PRRC2C: variants seen among roughly 807,000 people sequenced by gnomAD.
PRRC2C encodes the protein proline rich coiled-coil 2C.
Under a neutral mutation model 317.2 loss-of-function variants are expected in PRRC2C, and 72 were observed. That is an observed-to-expected ratio of 0.23 (90% confidence interval 0.19 to 0.28). PRRC2C has a LOEUF of 0.28. PRRC2C is among the 10% of genes least tolerant of loss of function. The pLI is 1.00. For missense variants in PRRC2C, 3,074 were observed against 3,459.7 expected (o/e 0.89, Z 2.80); for synonymous variants, 1,296 against 1,205.9 (o/e 1.07, Z -1.55).
At chr1:171,493,623 C>T (rs1472304974) in intron 1 of PRRC2C, among the ~76,000 whole-genome samples, 2 of 152,170 alleles carry the variant, frequency 1.3e-5, no homozygotes, top group Admixed American at 6.5e-5. Context: ...AATTTGACAC[C>T]AGCCTGGCCA....
intron 12 of PRRC2C, among the ~76,000 whole-genome samples, chr1:171,535,105 G>A (rs1676574839): frequency 6.6e-6 from 1 of 151,508 alleles, no homozygotes; most frequent in Non-Finnish European, 1.5e-5. Context: ...CAATTACATT[G>A]ATGTTTATTG....
chr1:171,554,954 C>T (rs961885392), intron 18 of PRRC2C, among the ~76,000 whole-genome samples: 2 of 152,160 alleles, frequency 1.3e-5, no homozygotes, highest in African/African-American at 2.4e-5. Flanking sequence ...GGTTACTCTT[C>T]TCGAGGAGTA....
At chr1:171,561,239 G>C in intron 20 of PRRC2C, 136 bp downstream of exon 20, 1 of 832,560 alleles carries the variant, frequency 1.2e-6, no homozygotes. Context: ...AGACCAGCCT[G>C]GGCAACATAG....
At chr1:171,582,042 T>A (rs180751724) in intron 28 of PRRC2C, among the ~76,000 whole-genome samples, 404 of 152,300 alleles carry the variant, frequency 2.7e-3, no homozygotes, top group Non-Finnish European at 4.4e-3. Flanking sequence ...TTTGCTTGCT[T>A]AATCTTCATG....
At chr1:171,550,793 G>T (rs548455115) in intron 18 of PRRC2C, among the ~76,000 whole-genome samples, 2 of 152,178 alleles carry the variant, frequency 1.3e-5, no homozygotes, top group East Asian at 3.9e-4. Flanking sequence ...CAAAGGACAT[G>T]AACTCATCCT....
Position 171,535,439 on chromosome 1 carries a change from G to A in PRRC2C, c.1885G>A (p.Val629Ile), listed in dbSNP as rs759304251. The A allele has an allele frequency of 4.0e-5, 65 of 1,612,728 alleles. No homozygotes were observed. The highest frequency in any genetic ancestry group is 6.7e-5 in the East Asian group (3 of 44,890). Residue 629 changes from valine (V) to isoleucine (I), a missense_variant, in exon 13 of 35, where the codon GTT becomes ATT. Coordinates refer to ENST00000647382, the MANE Select transcript of PRRC2C (RefSeq NM_001387844.1). ...ENSCNKEEEP[V>I]FTRQDSNRSE... Reference sequence around the variant, plus strand: ...TTTTCTTTGAGCAGAGGAGGAACCCGTTTTCACTAGACAAGACAGCAATCG... The same window carrying A: ...TTTTCTTTGAGCAGAGGAGGAACCCATTTTCACTAGACAAGACAGCAATCG...
intron 17 of PRRC2C, among the ~76,000 whole-genome samples, chr1:171,549,337 A>C (rs954004289): frequency 1.3e-5 from 2 of 152,192 alleles, no homozygotes; most frequent in African/African-American, 4.8e-5. Context: ...GCACTAAGCC[A>C]ATTTATTTCA....
At chr1:171,574,463 A>G (rs574737241) in intron 24 of PRRC2C, among the ~76,000 whole-genome samples, 2 of 152,370 alleles carry the variant, frequency 1.3e-5, no homozygotes, top group East Asian at 3.9e-4. Flanking sequence ...CTGGTGGTAC[A>G]TGAAATGCTT....
intron 18 of PRRC2C, among the ~76,000 whole-genome samples, chr1:171,551,643 G>A (rs1680271262): frequency 6.6e-6 from 1 of 152,104 alleles, no homozygotes; most frequent in Non-Finnish European, 1.5e-5. Flanking sequence ...TTTGTATAAG[G>A]TGTAAGGAAG....
chr1:171,501,834 T>C (rs1193165970), intron 1 of PRRC2C, among the ~76,000 whole-genome samples: 1 of 152,262 alleles, frequency 6.6e-6, no homozygotes, highest in Non-Finnish European at 1.5e-5. Flanking sequence ...TTACTAATTA[T>C]GTAAATTGTA....
chr1:171,584,643 T>C, intron 30 of PRRC2C, 117 bp downstream of exon 30: 1 of 1,218,738 alleles, frequency 8.2e-7, no homozygotes, highest in South Asian at 1.7e-5. Flanking sequence ...GTTTTTAAAC[T>C]GTTCACTGAG....
chr1:171,512,571 G>C lies in PRRC2C; in HGVS notation c.112+371G>C, dbSNP rs114825189. 4.1e-3 allele frequency: 797 copies of C among 192,994 alleles called. 4 individuals carry two copies. The highest frequency in any genetic ancestry group is 0.017 in the African/African-American group (719 of 42,144). The allele number at this position is 192,994 out of a possible 1,614,324, so 12.0% of individuals were successfully genotyped here. A position where few individuals can be genotyped will look rare whatever the true frequency, so the allele number is the denominator to read the frequency against. ...AAAGTCTTATGTTTCGTGTGTGGGGGTGTGTGTGTGTGTGTGTTAGATACT... is the reference window on the plus strand; with the variant it reads ...AAAGTCTTATGTTTCGTGTGTGGGGCTGTGTGTGTGTGTGTGTTAGATACT... On this transcript the variant is annotated intron_variant, in intron 2 of 34. Coordinates refer to ENST00000647382, the MANE Select transcript of PRRC2C (RefSeq NM_001387844.1).
chr1:171,583,709 G>A (rs1436687604), intron 28 of PRRC2C, among the ~76,000 whole-genome samples: 1 of 152,096 alleles, frequency 6.6e-6, no homozygotes, highest in Non-Finnish European at 1.5e-5. Flanking sequence ...TTTAATACTA[G>A]CACCAGCAAA....
In PRRC2C at chr1:171,588,400, C is replaced by T. The variant is rs1165093302; in HGVS notation, c.8094C>T (p.Asn2698=). ...SPFRATSTSP[N]SQSSKMNSIV... Reference sequence around the variant, plus strand: ...CAAGGGCTACTTCTACAAGTCCGAACAGCCAGTCCAGCAAAATGAACAGCA... The same window carrying T: ...CAAGGGCTACTTCTACAAGTCCGAATAGCCAGTCCAGCAAAATGAACAGCA... The change falls in exon 33 of 35, where the codon AAC becomes AAT. Residue 2698 remains asparagine, a synonymous_variant. Transcript: ENST00000647382. 1 of 1,613,562 alleles carries T rather than the reference C, an allele frequency of 6.2e-7. No homozygotes were observed. The highest frequency in any genetic ancestry group is 8.5e-7 in the Non-Finnish European group (1 of 1,179,706).
chr1:171,587,759 G>T lies in PRRC2C; in HGVS notation c.8072+8G>T. ...AACATCTAGTCCCTTCCGGTAAAAT[G>T]GGCATTTAAATTTGCTTATGAAATT... is the stretch of plus-strand genomic sequence containing the variant. On this transcript the variant is annotated splice_region_variant and intron_variant, in intron 32 of 34. Transcript: ENST00000647382. 1 of 1,587,678 alleles carries T rather than the reference G, an allele frequency of 6.3e-7. No individual in the cohort carries two copies. The highest frequency in any genetic ancestry group is 2.2e-5 in the East Asian group (1 of 44,690).
intron 10 of PRRC2C, among the ~76,000 whole-genome samples, chr1:171,525,849 A>C (rs1231779471): frequency 6.6e-6 from 1 of 152,170 alleles, no homozygotes; most frequent in South Asian, 2.1e-4. Flanking sequence ...AAAACATGGC[A>C]CATTCAAGAA....
rs376483059 is a variant in PRRC2C, at chr1:171,575,142, G to A, written c.6955+14G>A. ...CATCACTATCAGGTAGAACTTTTTC[G>A]TTCTGTTTCTTTAAATATCTTACAT... On this transcript the variant is annotated intron_variant, in intron 25 of 34. Transcript: ENST00000647382. 33 of 1,602,066 alleles carry A rather than the reference G, an allele frequency of 2.1e-5. 1 individual carries two copies. The highest frequency in any genetic ancestry group is 1.1e-4 in the South Asian group (10 of 89,810).
At chr1:171,562,293 A>G (rs922643662) in intron 20 of PRRC2C, among the ~76,000 whole-genome samples, 6 of 152,168 alleles carry the variant, frequency 3.9e-5, no homozygotes, top group Non-Finnish European at 8.8e-5. Flanking sequence ...GAAGTAAGAG[A>G]TGGAAAGAGA....
At chr1:171,589,012 A>G (rs235502) in intron 33 of PRRC2C, among the ~76,000 whole-genome samples, 23,998 of 152,160 alleles carry the variant, frequency 0.16, 1,950 homozygotes, top group Middle Eastern at 0.29. Context: ...ATTAGTATTG[A>G]TTTTATTTAT....
Sources: gnomAD v4.1 joint callset for allele counts (sites outside exome capture counted in the v4.1 genomes callset) on GRCh38, gnomAD v4.1.1 for gene constraint, MANE v1.5 for transcripts, NCBI Gene and HGNC (gene_info 2026-07-23, HGNC 2026-07-21) for gene names.